The following SLC4A1AP variants were observed in gnomAD, a reference collection of about 807,000 sequenced individuals.
SLC4A1AP encodes solute carrier family 4 member 1 adaptor protein.
SLC4A1AP carries 64 observed loss-of-function variants against 89.7 expected under a neutral mutation model. The observed-to-expected ratio is 0.71, with a 90% CI of 0.58 to 0.88. SLC4A1AP has a LOEUF of 0.88. SLC4A1AP is among the 40% of genes least tolerant of loss of function. The pLI is 0.00. For missense variants in SLC4A1AP, 931 were observed against 965.0 expected, an observed-to-expected ratio of 0.96 and a Z score of 0.47; for synonymous variants, 366 against 353.3, an observed-to-expected ratio of 1.04 and a Z score of -0.40.
rs77710023 is a variant in SLC4A1AP at position 27,691,514 on chromosome 2, T to C, written c.2272-2171T>C. The C allele has an allele frequency of 2.4e-3, 367 of 152,092 alleles. 2 individuals carry two copies. Among genetic ancestry groups the C allele is most frequent in the African/African-American group, 8.4e-3 (347 of 41,546 alleles). 9.4% of individuals were successfully genotyped at this position (152,092 alleles called of 1,614,324 possible). On this transcript the variant is annotated intron_variant, in intron 12 of 13. Transcript: ENST00000613058. The stretch of plus-strand genomic sequence containing the variant: ...CTTTTTTTTCATTGATCTTTTGCAG[T>C]TTCTTTTGTTTCAATTTCATTTAGT...
intron 6 of SLC4A1AP, 65 bp from the exon 7 acceptor site, chr2:27,677,225 TAAAAC>T (rs749610027): frequency 2.0e-6 from 2 of 993,424 alleles, no homozygotes; most frequent in Non-Finnish European, 3.2e-6. Context: ...TAAGAATAAT[TAAAAC>T]AGGAGGATGA....
chr2:27,689,508 T>A (rs1558510658), intron 12 of SLC4A1AP, among the ~76,000 whole-genome samples: 1 of 152,214 alleles, frequency 6.6e-6, no homozygotes, highest in Non-Finnish European at 1.5e-5. Flanking sequence ...CTTCCAAGGA[T>A]GTCTTCCAGT....
At chr2:27,677,742 A>T in exon 8 of SLC4A1AP, 1 of 1,598,822 alleles carries the variant, frequency 6.3e-7, no homozygotes, top group Admixed American at 1.8e-5. Context: ...GGACAGTTCT[A>T]TCAGAGTCTC....
rs569044974 is a variant in SLC4A1AP, at chr2:27,671,324, C to T, written c.1345+1937C>T. Among the ~76,000 whole-genome samples the T allele has an allele frequency of 1.6e-4, 24 of 152,260 alleles. No individual in the cohort carries two copies. In the South Asian group the frequency reaches 3.7e-3, roughly 24 times the overall value. ...CTGCTAAATTAGTATTTAGTATTTA[C>T]GTGATTATGCTTATGCAAATATTAG... is the stretch of plus-strand genomic sequence containing the variant. On this transcript the variant is annotated intron_variant, in intron 5 of 13. Transcript: ENST00000613058.
chr2:27,694,762 C>A, exon 14 of SLC4A1AP: 2 of 1,102,958 alleles, frequency 1.8e-6, no homozygotes, highest in Non-Finnish European at 2.7e-6. Flanking sequence ...ATTGAATGGC[C>A]AGAGAAGTTT....
chr2:27,693,301 A>AGGTACT (rs1276302761), intron 12 of SLC4A1AP: 1 of 163,808 alleles, frequency 6.1e-6, no homozygotes, highest in Non-Finnish European at 1.3e-5. Context: ...TTGAGATGTG[A>AGGTACT]GGTACTGTTA....
intron 8 of SLC4A1AP, 33 bp from the exon 9 acceptor site, chr2:27,682,215 G>GT: frequency 7.0e-7 from 1 of 1,438,188 alleles, no homozygotes; most frequent in South Asian, 1.2e-5. Context: ...GGACTCCCTG[G>GT]AATAGATGTG....
At chr2:27,667,958 A>T (rs1033206144) in intron 3 of SLC4A1AP, among the ~76,000 whole-genome samples, 2 of 152,134 alleles carry the variant, frequency 1.3e-5, no homozygotes, top group African/African-American at 4.8e-5. Flanking sequence ...AATAACCACT[A>T]AAGTCTACAA....
chr2:27,667,650 C>T (rs994850322), intron 3 of SLC4A1AP, among the ~76,000 whole-genome samples: 7 of 152,100 alleles, frequency 4.6e-5, no homozygotes, highest in Non-Finnish European at 8.8e-5. Context: ...TTTCCTGACT[C>T]ATCTCATTCT....
chr2:27,675,474 CT>C, intron 5 of SLC4A1AP, 57 bp from the exon 6 acceptor site: 14 of 1,294,076 alleles, frequency 1.1e-5, no homozygotes, highest in Non-Finnish European at 1.4e-5. Context: ...TACTTGCCTT[CT>C]TTCTTTTTCT....
chr2:27,663,905 C>T, exon 1 of SLC4A1AP: 2 of 1,614,132 alleles, frequency 1.2e-6, no homozygotes, highest in Non-Finnish European at 1.7e-6. Context: ...CGAAGTTGCA[C>T]CGGTTGAGGA....
At chr2:27,684,831 A>G (rs1675678295) in intron 9 of SLC4A1AP, among the ~76,000 whole-genome samples, 1 of 152,064 alleles carries the variant, frequency 6.6e-6, no homozygotes, top group Non-Finnish European at 1.5e-5. Context: ...GTAATCTTTG[A>G]CTCTAGGAAC....
At chr2:27,689,588 T>C (rs1054787999) in intron 12 of SLC4A1AP, among the ~76,000 whole-genome samples, 5 of 152,168 alleles carry the variant, frequency 3.3e-5, no homozygotes, top group African/African-American at 4.8e-5. Context: ...TGTTGCTAAC[T>C]AAGGAAGCTC....
At chr2:27,670,585 G>A (rs1029176070) in intron 5 of SLC4A1AP, among the ~76,000 whole-genome samples, 6 of 151,618 alleles carry the variant, frequency 4.0e-5, no homozygotes, top group South Asian at 2.1e-4. Flanking sequence ...GGCCGGGCGC[G>A]GTTGCTCACG....
intron 11 of SLC4A1AP, among the ~76,000 whole-genome samples, 168 bp from the exon 12 acceptor site, chr2:27,688,532 A>G (rs1157253931): frequency 3.9e-5 from 6 of 152,202 alleles, no homozygotes; most frequent in African/African-American, 7.2e-5. Context: ...CATCCAGGAA[A>G]AATTTTCTCT....
Position 27,688,021 on chromosome 2 carries a change from G to A in SLC4A1AP, c.2203+1G>A. 1 of 1,613,062 alleles carries A rather than the reference G, an allele frequency of 6.2e-7. No homozygotes were observed. The highest frequency in any genetic ancestry group is 8.5e-7 in the Non-Finnish European group (1 of 1,179,158). ...ACTTCATTGTGCGCAGGACCCTCAG[G>A]CAAGTAGTACGGCAGCCTTCATTGC... On this transcript the variant is annotated splice_donor_variant, in intron 11 of 13. Coordinates refer to ENST00000613058, the Ensembl canonical transcript of SLC4A1AP. LOFTEE classifies it high-confidence loss of function.
intron 7 of SLC4A1AP, 36 bp from the exon 8 acceptor site, chr2:27,677,702 A>G (rs79021989): frequency 0.029 from 43,715 of 1,510,830 alleles, 757 homozygotes; most frequent in Middle Eastern, 0.04. Context: ...ATTCAGGATC[A>G]TCTTTCTAAA....
intron 3 of SLC4A1AP, chr2:27,668,511 G>T (rs573378403): frequency 6.6e-6 from 3 of 457,784 alleles, no homozygotes; most frequent in Non-Finnish European, 1.3e-5. Flanking sequence ...GTGCAATGGC[G>T]CAATCTTGGC....
intron 10 of SLC4A1AP, 114 bp downstream of exon 10, chr2:27,685,391 T>C (rs2148139110): frequency 7.6e-7 from 1 of 1,323,432 alleles, no homozygotes; most frequent in African/African-American, 1.5e-5. Flanking sequence ...GTATGTGATA[T>C]ACTGACTCTG....
Sources: allele counts gnomAD v4.1 joint callset (sites outside exome capture counted in the v4.1 genomes callset), GRCh38; gene constraint gnomAD v4.1.1; transcripts MANE v1.5; gene names NCBI Gene and HGNC (gene_info 2026-07-23, HGNC 2026-07-21).